Variants in OPA3 observed in about 807,000 individuals in gnomAD.
OPA3 encodes the protein outer mitochondrial membrane lipid metabolism regulator OPA3.
In OPA3, 6 loss-of-function variants were observed where a neutral mutation model predicts 4.0. The ratio of observed to expected loss-of-function variants is 1.51; its 90% CI spans 0.83 to 2.99. OPA3 has a LOEUF of 2.99. Among genes scored for constraint, OPA3 ranks in the 30% most tolerant of loss-of-function variants. OPA3 has a pLI of 0.00. For missense variants in OPA3, 235 were observed against 256.2 expected (o/e 0.92, Z 0.56); for synonymous variants, 105 against 117.1 (o/e 0.90, Z 0.67).
chr19:45,538,889 T>C (rs1311557580), intron 1 of OPA3, among the ~76,000 whole-genome samples: 2 of 152,108 alleles, frequency 1.3e-5, no homozygotes, highest in African/African-American at 4.8e-5. Context: ...CACACAGCTA[T>C]AAAGAAATTC....
chr19:45,559,073 G>A (rs1488047243), intron 1 of OPA3, among the ~76,000 whole-genome samples: 4 of 152,008 alleles, frequency 2.6e-5, no homozygotes, highest in South Asian at 2.1e-4. Context: ...TAGTAGAGAC[G>A]GGATTTCACC....
At chr19:45,584,483 C>G (rs1366257425) in intron 1 of OPA3, 140 bp downstream of exon 1, 5 of 1,507,522 alleles carry the variant, frequency 3.3e-6, no homozygotes, top group South Asian at 1.2e-5. Context: ...GCCCCTCTAT[C>G]AGAAACCCCC....
intron 1 of OPA3, chr19:45,584,283 GC>G: frequency 1.0e-6 from 1 of 956,842 alleles, no homozygotes; most frequent in Non-Finnish European, 1.2e-6. Flanking sequence ...TTTCTCCTCA[GC>G]CCCTCCCCTA....
At chr19:45,572,211 A>C (rs572630358) in intron 1 of OPA3, among the ~76,000 whole-genome samples, 41 of 144,604 alleles carry the variant, frequency 2.8e-4, no homozygotes, top group East Asian at 9.9e-4. Context: ...ATATATATAT[A>C]TCTCTCATAT....
At chr19:45,555,523 C>T (rs1969407902) in intron 1 of OPA3, among the ~76,000 whole-genome samples, 2 of 151,002 alleles carry the variant, frequency 1.3e-5, no homozygotes, top group South Asian at 4.2e-4. Context: ...TGGAGTCACA[C>T]TCTGTCGCCC....
chr19:45,544,026 T>C (rs1219623964), downstream of OPA3, among the ~76,000 whole-genome samples: 1 of 152,206 alleles, frequency 6.6e-6, no homozygotes, highest in African/African-American at 2.4e-5. Flanking sequence ...CTAAGTGTTT[T>C]GCATGTATTA....
chr19:45,570,978 T>TGGGG (rs66483717), intron 1 of OPA3, among the ~76,000 whole-genome samples: 17 of 66,158 alleles, frequency 2.6e-4, no homozygotes, highest in African/African-American at 8.5e-4. Flanking sequence ...CAAAACTATT[T>TGGGG]GGGGGGGGGG....
chr19:45,572,395 C>CAT (rs200917076), intron 1 of OPA3, among the ~76,000 whole-genome samples: 1 of 123,764 alleles, frequency 8.1e-6, no homozygotes, highest in Non-Finnish European at 1.6e-5. Context: ...TATATATCAA[C>CAT]ATATGAGATT....
Position 45,547,973 on chromosome 19 carries a change from A to T in OPA3, c.*5541T>A. The T allele has an allele frequency of 2.9e-6, 1 of 344,174 alleles. No individual in the cohort carries two copies. The highest frequency in any genetic ancestry group is 2.2e-5 in the African/African-American group (1 of 44,944). The allele number at this position is 344,174 out of a possible 1,614,324, so 21.3% of individuals were successfully genotyped here. A position where few individuals can be genotyped will look rare whatever the true frequency, so the allele number is the denominator to read the frequency against. On this transcript the variant is annotated 3_prime_UTR_variant, in exon 2 of 2. Coordinates refer to ENST00000263275, the MANE Select transcript of OPA3 (RefSeq NM_025136.4). ...CGGCCTCCCAAAGTGCTGAGATTAC[A>T]GGTGTGAGCCACCACGCCTGGCCAC...
chr19:45,561,552 T>A (rs1487953209), intron 1 of OPA3, among the ~76,000 whole-genome samples: 3 of 151,978 alleles, frequency 2.0e-5, no homozygotes, highest in Non-Finnish European at 4.4e-5. Flanking sequence ...AGAGGCTAAA[T>A]CCCGTGGAAC....
chr19:45,560,264 C>T (rs999359866), intron 1 of OPA3, among the ~76,000 whole-genome samples: 1 of 152,156 alleles, frequency 6.6e-6, no homozygotes, highest in Non-Finnish European at 1.5e-5. Context: ...CCTCCAGACC[C>T]CTGGGATCCT....
intron 1 of OPA3, among the ~76,000 whole-genome samples, chr19:45,539,733 G>T (rs1483600848): frequency 1.3e-5 from 2 of 150,198 alleles, no homozygotes; most frequent in African/African-American, 2.5e-5. Context: ...CAGCCTGGGC[G>T]ACAGAGCCAG....
intron 1 of OPA3, among the ~76,000 whole-genome samples, chr19:45,566,504 C>T (rs867294024): frequency 3.3e-5 from 5 of 150,690 alleles, no homozygotes; most frequent in Non-Finnish European, 7.4e-5. Context: ...CGGAGTCTCG[C>T]TCTGTCGCCC....
intron 1 of OPA3, among the ~76,000 whole-genome samples, chr19:45,567,339 CAAAAAA>C (rs749982867): frequency 3.3e-5 from 2 of 60,576 alleles, no homozygotes; most frequent in African/African-American, 4.9e-5. Flanking sequence ...GACCCTGTGT[CAAAAAA>C]AAAAAAAAAA....
At chr19:45,543,793 A>G (rs1468787888), downstream of OPA3, among the ~76,000 whole-genome samples, 1 of 152,154 alleles carries the variant, frequency 6.6e-6, no homozygotes. Flanking sequence ...AGCAAGAAGT[A>G]AACTCGTTCA....
Position 45,547,377 on chromosome 19 carries a change from C to T in OPA3, c.*6137G>A, listed in dbSNP as rs942646546. 1 of 152,200 alleles carries T rather than the reference C, an allele frequency of 6.6e-6. No individual in the cohort carries two copies. The highest frequency in any genetic ancestry group is 2.4e-5 in the African/African-American group (1 of 41,442). The allele number at this position is 152,200 out of a possible 1,614,324, so 9.4% of individuals were successfully genotyped here. On this transcript the variant is annotated 3_prime_UTR_variant, in exon 2 of 2. Coordinates refer to ENST00000263275, the MANE Select transcript of OPA3 (RefSeq NM_025136.4). ...TGCAAAAGCAACTGTGGAAAATATG[C>T]AAACGAATGAGCGCCTGGGTTCCAA...
At chr19:45,584,454 A>C (rs1430175652) in intron 1 of OPA3, 169 bp downstream of exon 1, 8 of 973,554 alleles carry the variant, frequency 8.2e-6, no homozygotes, top group Non-Finnish European at 9.7e-6. Flanking sequence ...CCCCGCCCTC[A>C]CTACTGGGCC....
In OPA3 at chr19:45,553,728, C is replaced by T; in HGVS notation, c.326G>A (p.Arg109His). 1 of 1,610,292 alleles carries T rather than the reference C, an allele frequency of 6.2e-7. No individual in the cohort carries two copies. The highest frequency in any genetic ancestry group is 8.5e-7 in the Non-Finnish European group (1 of 1,179,506). The change falls in exon 2 of 2, where the codon CGC (arginine) becomes CAC (histidine). Residue 109 changes from arginine (R) to histidine (H), a missense_variant. By Grantham distance (29) the Arg-to-His change is conservative (BLOSUM62 0). Coordinates refer to ENST00000263275, the MANE Select transcript of OPA3 (RefSeq NM_025136.4). ...AGCACGCTGCTCCTCCTCCTTGTGG[C>T]GCTGCTGCGCCTGGTGGCGCCAGTA... ...LEYWRHQAQQ[R>H]HKEEEQRAAW...
At position 45,550,435 on chromosome 19, in the gene OPA3, C is replaced by T; in HGVS notation, c.*3079G>A. 3 of 985,858 alleles carry T rather than the reference C, an allele frequency of 3.0e-6. No homozygotes were observed. In the South Asian group the frequency reaches 1.4e-4, roughly 46 times the overall value. The allele number at this position is 985,858 out of a possible 1,614,324, so 61.1% of individuals were successfully genotyped here. ...GGGGATAGAGAGGGTCTCCCACTAT[C>T]AACGCCACCTCTGGGATGGTCTGGG... On this transcript the variant is annotated 3_prime_UTR_variant, in exon 2 of 2. Coordinates refer to ENST00000263275, the MANE Select transcript of OPA3 (RefSeq NM_025136.4).
Sources: gnomAD v4.1 joint callset for allele counts (sites outside exome capture counted in the v4.1 genomes callset) on GRCh38, gnomAD v4.1.1 for gene constraint, MANE v1.5 for transcripts, NCBI Gene and HGNC (gene_info 2026-07-23, HGNC 2026-07-21) for gene names.